The following KIFAP3 variants were observed in gnomAD, a reference collection of about 807,000 sequenced individuals.
KIFAP3 encodes kinesin-associated protein 3.
KIFAP3 carries 68 observed loss-of-function variants against 106.5 expected under a neutral mutation model. The ratio of observed to expected loss-of-function variants is 0.64; its 90% CI spans 0.53 to 0.78. KIFAP3 has a LOEUF of 0.78. KIFAP3 is among the 30% of genes least tolerant of loss of function. The pLI, the probability that KIFAP3 is intolerant of heterozygous loss-of-function variation, is 0.00. For missense variants in KIFAP3, 780 were observed against 941.8 expected, an observed-to-expected ratio of 0.83 and a Z score of 2.25; for synonymous variants, 320 against 311.5, an observed-to-expected ratio of 1.03 and a Z score of -0.29.
At chr1:169,979,587 G>T (rs6685386) in intron 15 of KIFAP3, among the ~76,000 whole-genome samples, 3,195 of 152,178 alleles carry the variant, frequency 0.021, 99 homozygotes, top group African/African-American at 0.061. Context: ...AAATCACAAT[G>T]AAATACCAGT....
chr1:170,016,413 G>A lies in KIFAP3; in HGVS notation c.1183+49C>T, dbSNP rs563763718. ...TCAACACAGAGCTCAATTTTCCAGC[G>A]ATGTTGGAAATTCCAGACAACACTG... On this transcript the variant is annotated intron_variant, in intron 10 of 19. Transcript: ENST00000361580. The A allele has an allele frequency of 3.5e-4, 515 of 1,471,128 alleles. 8 individuals are homozygous for A. In the South Asian group the frequency reaches 5.8e-3, roughly 17 times the overall value. 91.1% of individuals were successfully genotyped at this position (1,471,128 alleles called of 1,614,324 possible). A position where few individuals can be genotyped will look rare whatever the true frequency, so the allele number is the denominator to read the frequency against.
intron 19 of KIFAP3, among the ~76,000 whole-genome samples, chr1:169,951,327 A>G (rs1664720211): frequency 6.6e-6 from 1 of 151,926 alleles, no homozygotes; most frequent in Non-Finnish European, 1.5e-5. Context: ...AGGGCAAACA[A>G]TTCTCAAATG....
rs1036606600 is a variant in KIFAP3, at chr1:170,074,536, G to A, written c.-69C>T. ...GGCAGGCGCGGTTATTTCCGGGGAC[G>A]GTGGCCAAAGTACCCTCACACCCAG... On this transcript the variant is annotated 5_prime_UTR_variant, in exon 1 of 20. Coordinates refer to ENST00000361580, the MANE Select transcript of KIFAP3 (RefSeq NM_014970.4). The A allele has an allele frequency of 1.9e-6, 3 of 1,608,554 alleles. No individual in the cohort carries two copies. Among genetic ancestry groups the A allele is most frequent in the Middle Eastern group, 1.7e-4 (1 of 6,044 alleles).
intron 8 of KIFAP3, 104 bp downstream of exon 8, chr1:170,031,782 C>T: frequency 1.5e-6 from 1 of 663,906 alleles, no homozygotes; most frequent in Non-Finnish European, 2.6e-6. Flanking sequence ...ATAGAACTTT[C>T]AGCTATTCTC....
In KIFAP3 at chr1:170,055,344, C is replaced by T. The variant is rs1378567243; in HGVS notation, c.125G>A (p.Gly42Glu). The T allele has an allele frequency of 1.9e-6, 3 of 1,608,994 alleles. No individual in the cohort carries two copies. The highest frequency in any genetic ancestry group is 2.5e-6 in the Non-Finnish European group (3 of 1,178,518). ...EVEATILGEM[G>E]DPMLGERKEC... ...TTTTCGTTCTCCCAACATGGGGTCCCCCATTTCTCCAAGAATGGTAGCTTC... is the reference window on the plus strand; with the variant it reads ...TTTTCGTTCTCCCAACATGGGGTCCTCCATTTCTCCAAGAATGGTAGCTTC... Residue 42 changes from glycine to glutamate, a missense_variant, in exon 2 of 20, where the codon GGG becomes GAG. Physicochemically the swap from Gly to Glu is moderately conservative, Grantham distance 98. This residue lies in a region of KIFAP3 where 588 missense variants were observed against 678.9 expected (regional missense o/e 0.87). Transcript: ENST00000361580.
intron 3 of KIFAP3, among the ~76,000 whole-genome samples, chr1:170,042,671 G>A (rs1467723172): frequency 6.6e-6 from 1 of 152,202 alleles, no homozygotes; most frequent in Non-Finnish European, 1.5e-5. Flanking sequence ...CTGTGACTGA[G>A]TGGGAGCTCT....
At chr1:169,984,727 C>A (rs764492371) in intron 11 of KIFAP3, 37 bp from the exon 12 acceptor site, 2 of 1,198,312 alleles carry the variant, frequency 1.7e-6, no homozygotes, top group Admixed American at 1.9e-5. Flanking sequence ...ACTCAAGAAA[C>A]AAAGACAAAA....
At chr1:170,018,226 C>G (rs1283286192) in intron 9 of KIFAP3, among the ~76,000 whole-genome samples, 1 of 152,148 alleles carries the variant, frequency 6.6e-6, no homozygotes, top group Non-Finnish European at 1.5e-5. Flanking sequence ...CTGTCAATGG[C>G]TGCTTTCACG....
chr1:169,930,127 T>C (rs1221340302), intron 19 of KIFAP3, among the ~76,000 whole-genome samples: 1 of 152,208 alleles, frequency 6.6e-6, no homozygotes, highest in African/African-American at 2.4e-5. Flanking sequence ...AATGTGGAGA[T>C]GTTATACTTG....
At chr1:169,935,577 G>T (rs1169138752) in intron 19 of KIFAP3, among the ~76,000 whole-genome samples, 1 of 151,838 alleles carries the variant, frequency 6.6e-6, no homozygotes. Context: ...TTCATAAAAA[G>T]AGAACATATT....
chr1:170,016,763 C>G, intron 9 of KIFAP3, 139 bp from the exon 10 acceptor site: 1 of 505,682 alleles, frequency 2.0e-6, no homozygotes, highest in Non-Finnish European at 3.3e-6. Context: ...CCATTTCATT[C>G]TGTAAACTTT....
chr1:170,046,829 T>C lies in KIFAP3; in HGVS notation c.202A>G (p.Thr68Ala), dbSNP rs1317654961. 1.2e-5 allele frequency: 20 copies of C among 1,610,066 alleles called. No individual in the cohort carries two copies. Among genetic ancestry groups the C allele is most frequent in the East Asian group, 2.2e-5 (1 of 44,596 alleles). ...TCAACCACCTTCCTTGCCAGGGAAGTTATATCTGTGTTGGCATTGAGACTC... is the reference window on the plus strand; with the variant it reads ...TCAACCACCTTCCTTGCCAGGGAAGCTATATCTGTGTTGGCATTGAGACTC... ...LKSLNANTDITSLARKVVEEC... is the reference protein window; with the variant it reads ...LKSLNANTDIASLARKVVEEC... The change falls in exon 3 of 20, where the codon ACT becomes GCT. Residue 68 changes from threonine to alanine, a missense_variant. Physicochemically the swap from Thr to Ala is moderately conservative, Grantham distance 58. Coordinates refer to ENST00000361580, the MANE Select transcript of KIFAP3 (RefSeq NM_014970.4).
At chr1:170,024,827 C>T (rs1292602205) in intron 8 of KIFAP3, 2 of 341,768 alleles carry the variant, frequency 5.9e-6, no homozygotes, top group African/African-American at 4.2e-5. Flanking sequence ...TAAAATAATT[C>T]ATACAATGCT....
At position 169,921,743 on chromosome 1, in the gene KIFAP3, A is replaced by G; in HGVS notation, c.2312T>C (p.Leu771Pro). 1 of 1,613,934 alleles carries G rather than the reference A, an allele frequency of 6.2e-7. No homozygotes were observed. The highest frequency in any genetic ancestry group is 8.5e-7 in the Non-Finnish European group (1 of 1,179,862). Reference sequence around the variant, plus strand: ...TCCATATGCTGTGGCAGGGCGTCCAAGAATGCCAACTGGTTGGCCAAAGCC... The same window carrying G: ...TCCATATGCTGTGGCAGGGCGTCCAGGAATGCCAACTGGTTGGCCAAAGCC... Reference protein sequence around the residue: ...MDGFGQPVGILGRPATAYGFR... With the variant: ...MDGFGQPVGIPGRPATAYGFR... Residue 771 changes from leucine to proline, a missense_variant, in exon 20 of 20, where the codon CTT (leucine) becomes CCT (proline). By Grantham distance (98) the Leu-to-Pro change is moderately conservative. Transcript: ENST00000361580.
chr1:169,994,144 C>T (rs1293323220), intron 10 of KIFAP3, among the ~76,000 whole-genome samples: 1 of 152,130 alleles, frequency 6.6e-6, no homozygotes, highest in Non-Finnish European at 1.5e-5. Context: ...AATCTCAAAA[C>T]AATCTGTCAA....
At chr1:169,978,879 A>C (rs187309853) in intron 15 of KIFAP3, among the ~76,000 whole-genome samples, 3 of 152,176 alleles carry the variant, frequency 2.0e-5, no homozygotes, top group Admixed American at 2.0e-4. Context: ...GGTCCCTTAA[A>C]GTTCAATTTG....
chr1:170,064,639 C>A (rs1671344243), intron 1 of KIFAP3, among the ~76,000 whole-genome samples: 1 of 152,152 alleles, frequency 6.6e-6, no homozygotes, highest in Non-Finnish European at 1.5e-5. Context: ...CAGGCATGAG[C>A]CAACACACCT....
intron 19 of KIFAP3, among the ~76,000 whole-genome samples, chr1:169,951,538 T>C (rs906306425): frequency 6.6e-6 from 1 of 151,880 alleles, no homozygotes; most frequent in Admixed American, 6.6e-5. Context: ...AAAAATCTTA[T>C]TAACAGAATG....
chr1:169,982,626 A>T, intron 14 of KIFAP3, 76 bp downstream of exon 14: 1 of 985,494 alleles, frequency 1.0e-6, no homozygotes, highest in Non-Finnish European at 1.5e-6. Context: ...GTCACACAAT[A>T]CTGCTCTAGC....
Sources: gnomAD v4.1 joint callset for allele counts (sites outside exome capture counted in the v4.1 genomes callset) on GRCh38, gnomAD v4.1.1 for gene constraint, gnomAD v4.1.1 regional missense constraint, MANE v1.5 for transcripts, NCBI Gene and HGNC (gene_info 2026-07-23, HGNC 2026-07-21) for gene names.